Variants in GALNTL6 observed in about 807,000 individuals in gnomAD.
The protein encoded by GALNTL6 is polypeptide N-acetylgalactosaminyltransferase-like 6.
Under a neutral mutation model 73.7 loss-of-function variants are expected in GALNTL6, and 46 were observed. The observed-to-expected ratio is 0.62, with a 90% confidence interval of 0.49 to 0.80. The LOEUF (loss-of-function observed/expected upper bound fraction) is 0.80. Among genes scored for constraint, GALNTL6 ranks in the 30% least tolerant of loss-of-function variants. GALNTL6 has a pLI of 0.00. For missense variants in GALNTL6, 604 were observed against 755.0 expected, an observed-to-expected ratio of 0.80 and a Z score of 2.34; for synonymous variants, 259 against 263.7, an observed-to-expected ratio of 0.98 and a Z score of 0.17.
intron 2 of GALNTL6, among the ~76,000 whole-genome samples, chr4:172,196,006 GT>G (rs147919669): frequency 0.078 from 9,930 of 127,134 alleles, 434 homozygotes; most frequent in South Asian, 0.13. Context: ...CAGGAGCTGG[GT>G]TTTTTTTTTT....
chr4:171,869,433 C>T (rs1009021257), intron 2 of GALNTL6, among the ~76,000 whole-genome samples: 2 of 152,168 alleles, frequency 1.3e-5, no homozygotes, highest in African/African-American at 2.4e-5. Flanking sequence ...CTTCCTCTTG[C>T]TTGGCACACC....
At chr4:172,895,072 T>C (rs1468504886) in intron 8 of GALNTL6, among the ~76,000 whole-genome samples, 1 of 151,742 alleles carries the variant, frequency 6.6e-6, no homozygotes, top group Non-Finnish European at 1.5e-5. Context: ...ACCTTCAGTA[T>C]ATGGGTATCT....
intron 2 of GALNTL6, among the ~76,000 whole-genome samples, chr4:171,837,910 T>C (rs1056364352): frequency 1.3e-5 from 2 of 151,018 alleles, no homozygotes; most frequent in Non-Finnish European, 3.0e-5. Context: ...CTTTGATAGG[T>C]TGGCATGTTA....
intron 2 of GALNTL6, among the ~76,000 whole-genome samples, chr4:172,193,958 C>T (rs1364343687): frequency 2.6e-5 from 4 of 152,110 alleles, no homozygotes; most frequent in African/African-American, 9.7e-5. Flanking sequence ...ACCTGTCCAC[C>T]AAGGGCACAA....
At chr4:172,138,392 A>T in intron 2 of GALNTL6, among the ~76,000 whole-genome samples, 1 of 127,482 alleles carries the variant, frequency 7.8e-6, no homozygotes, top group East Asian at 2.5e-4. Context: ...TCATTAGTCT[A>T]TTGCTTTCCT....
rs796309604 is a variant in GALNTL6 at position 173,008,924 on chromosome 4, G to T, written c.1372-254G>T. On this transcript the variant is annotated intron_variant, in intron 10 of 12. Coordinates refer to ENST00000506823, the MANE Select transcript of GALNTL6 (RefSeq NM_001034845.3). ...TTCAGTTACAAGGAAGTGGGTCAAA[G>T]TACAGACTGATTAATATTGAATTAT... Among the ~76,000 whole-genome samples, 13 of 152,344 alleles carry T rather than the reference G, an allele frequency of 8.5e-5. 1 individual carries two copies. The highest frequency in any genetic ancestry group is 3.1e-4 in the African/African-American group (13 of 41,586).
At chr4:172,218,463 C>G (rs970170377) in intron 2 of GALNTL6, among the ~76,000 whole-genome samples, 2 of 152,082 alleles carry the variant, frequency 1.3e-5, no homozygotes, top group Non-Finnish European at 1.5e-5. Context: ...GTTTCTGACT[C>G]TCAGCTTCCA....
intron 2 of GALNTL6, among the ~76,000 whole-genome samples, chr4:171,889,499 T>C (rs913366902): frequency 6.6e-6 from 1 of 152,070 alleles, no homozygotes; most frequent in African/African-American, 2.4e-5. Context: ...ATATATCAAA[T>C]CAATCTAGGC....
intron 4 of GALNTL6, among the ~76,000 whole-genome samples, chr4:172,321,061 A>G (rs1363234960): frequency 6.6e-6 from 1 of 152,172 alleles, no homozygotes; most frequent in Non-Finnish European, 1.5e-5. Flanking sequence ...TTGATACAGT[A>G]TATTGTTATA....
At chr4:172,485,837 G>C (rs78077011) in intron 5 of GALNTL6, among the ~76,000 whole-genome samples, 5 of 152,026 alleles carry the variant, frequency 3.3e-5, no homozygotes, top group Admixed American at 6.6e-5. Context: ...GGTTCTAAAT[G>C]TTTTTATGTT....
rs540539736 is a variant in GALNTL6, at chr4:172,301,400, A to G, written c.248-10214A>G. Among the ~76,000 whole-genome samples the G allele has an allele frequency of 4.6e-5, 7 of 152,144 alleles. No individual in the cohort carries two copies. The East Asian group carries it at 1.2e-3, about 25-fold the overall frequency. Reference sequence around the variant, plus strand: ...GTCATTTGCCGTCCAGCTTTGTTCCATTGCTCGTGAGGAGCTATGTTCCTT... The same window carrying G: ...GTCATTTGCCGTCCAGCTTTGTTCCGTTGCTCGTGAGGAGCTATGTTCCTT... On this transcript the variant is annotated intron_variant, in intron 3 of 12. Transcript: ENST00000506823.
intron 2 of GALNTL6, among the ~76,000 whole-genome samples, chr4:171,927,534 C>G (rs1251026676): frequency 6.6e-6 from 1 of 152,002 alleles, no homozygotes; most frequent in Non-Finnish European, 1.5e-5. Context: ...TTCTCTCATA[C>G]CCTATACACA....
chr4:172,239,446 T>C (rs1289225230), intron 3 of GALNTL6, among the ~76,000 whole-genome samples: 1 of 152,170 alleles, frequency 6.6e-6, no homozygotes, highest in Non-Finnish European at 1.5e-5. Flanking sequence ...AATGTCAGCT[T>C]TGTCATTTCT....
At chr4:172,382,446 T>A (rs75372037) in intron 5 of GALNTL6, among the ~76,000 whole-genome samples, 8 of 152,144 alleles carry the variant, frequency 5.3e-5, no homozygotes, top group South Asian at 2.1e-4. Flanking sequence ...GCCTATTTTT[T>A]AATTTCTTCT....
intron 5 of GALNTL6, among the ~76,000 whole-genome samples, chr4:172,709,099 G>A (rs1734538257): frequency 6.6e-6 from 1 of 152,136 alleles, no homozygotes. Flanking sequence ...ATGCCCACAT[G>A]CATGCTTGCG....
At chr4:171,909,166 AAAG>A (rs1355185866) in intron 2 of GALNTL6, among the ~76,000 whole-genome samples, 19 of 133,420 alleles carry the variant, frequency 1.4e-4, no homozygotes, top group Admixed American at 6.6e-4. Context: ...AAATAAATAA[AAAG>A]AAAAAAGAAA....
At chr4:172,380,185 G>A (rs1579015639) in intron 5 of GALNTL6, 1 of 1,020,182 alleles carries the variant, frequency 9.8e-7, no homozygotes, top group Non-Finnish European at 1.6e-6. Context: ...GAACTGTGCG[G>A]ATCTGCAGGG....
chr4:172,978,711 C>T (rs1012724761), intron 10 of GALNTL6, among the ~76,000 whole-genome samples: 1 of 152,194 alleles, frequency 6.6e-6, no homozygotes, highest in African/African-American at 2.4e-5. Context: ...TGGCTTTCCT[C>T]ATTCTTTAAT....
At chr4:172,844,191 A>C (rs1414962186) in intron 7 of GALNTL6, among the ~76,000 whole-genome samples, 1 of 152,242 alleles carries the variant, frequency 6.6e-6, no homozygotes, top group Non-Finnish European at 1.5e-5. Context: ...GCCATGTTCA[A>C]CGTGCTTTCT....
Sources: gnomAD v4.1 joint callset for allele counts (sites outside exome capture counted in the v4.1 genomes callset) on GRCh38, gnomAD v4.1.1 for gene constraint, MANE v1.5 for transcripts, NCBI Gene and HGNC (gene_info 2026-07-23, HGNC 2026-07-21) for gene names.